PRKD1: variants seen among roughly 807,000 people sequenced by gnomAD.
The protein encoded by PRKD1 is serine/threonine-protein kinase D1.
In PRKD1, 63 loss-of-function variants were observed where a neutral mutation model predicts 95.9. That is an observed-to-expected ratio of 0.66 (90% confidence interval 0.54 to 0.81). PRKD1 has a LOEUF of 0.81. Among genes scored for constraint, PRKD1 ranks in the 30% least tolerant of loss-of-function variants. The probability of loss-of-function intolerance (pLI) is 0.00; values close to 1 mark genes in which losing one functional copy is unlikely to be tolerated. For synonymous variants in PRKD1, 425 were observed against 423.1 expected, an observed-to-expected ratio of 1.00 and a Z score of -0.05; for missense variants, 1,048 against 1,165.3, an observed-to-expected ratio of 0.90 and a Z score of 1.47.
At chr14:29,766,079 G>A (rs532484123) in intron 1 of PRKD1, among the ~76,000 whole-genome samples, 2 of 152,208 alleles carry the variant, frequency 1.3e-5, no homozygotes, top group South Asian at 4.1e-4. Flanking sequence ...CAGAAAGAGA[G>A]GAGAAGAGAA....
chr14:29,835,475 G>A (rs997916833), intron 1 of PRKD1, among the ~76,000 whole-genome samples: 9 of 152,268 alleles, frequency 5.9e-5, no homozygotes, highest in African/African-American at 1.4e-4. Context: ...CCTTCTCATC[G>A]AAAGATTCCT....
intron 1 of PRKD1, among the ~76,000 whole-genome samples, chr14:29,917,297 T>C (rs1894924943): frequency 6.6e-6 from 1 of 152,208 alleles, no homozygotes; most frequent in African/African-American, 2.4e-5. Flanking sequence ...GAAAAGGCTC[T>C]GTATTTTTGG....
intron 13 of PRKD1, among the ~76,000 whole-genome samples, chr14:29,615,186 T>G (rs1474269490): frequency 6.6e-6 from 1 of 152,150 alleles, no homozygotes; most frequent in East Asian, 1.9e-4. Context: ...ATTCATGTAT[T>G]TAAAAGAATA....
At chr14:29,755,782 A>G (rs1887669943) in intron 1 of PRKD1, among the ~76,000 whole-genome samples, 1 of 152,130 alleles carries the variant, frequency 6.6e-6, no homozygotes, top group African/African-American at 2.4e-5. Flanking sequence ...ACTTGCTCTC[A>G]TATGTGCTTA....
intron 2 of PRKD1, among the ~76,000 whole-genome samples, chr14:29,708,490 A>G (rs1885190014): frequency 6.6e-6 from 1 of 152,154 alleles, no homozygotes; most frequent in Non-Finnish European, 1.5e-5. Context: ...TTGTCTAGAT[A>G]TTTCGTTCTT....
At position 29,765,361 on chromosome 14, in the gene PRKD1, ATACTT is replaced by A. The variant is rs113323081; in HGVS notation, c.265-39692_265-39688del. ...ACAATTAATGAACACACCCACCTGA[ATACTT>A]TAGTATCGAGCCTGAGAACAAGACA... On this transcript the variant is annotated intron_variant, in intron 1 of 17. Transcript: ENST00000331968. Among the ~76,000 whole-genome samples the A allele has an allele frequency of 5.1e-3, 779 of 152,348 alleles. 7 individuals are homozygous for A. Among genetic ancestry groups the A allele is most frequent in the African/African-American group, 0.016 (669 of 41,586 alleles).
intron 1 of PRKD1, among the ~76,000 whole-genome samples, chr14:29,870,373 T>A (rs1893059853): frequency 6.6e-6 from 1 of 152,154 alleles, no homozygotes; most frequent in South Asian, 2.1e-4. Flanking sequence ...CCAAAAAATA[T>A]TCATAGCTGC....
chr14:29,897,611 C>T (rs541853719), intron 1 of PRKD1, among the ~76,000 whole-genome samples: 159 of 152,008 alleles, frequency 1.0e-3, no homozygotes, highest in Middle Eastern at 3.4e-3. Flanking sequence ...TCCAAACTCA[C>T]GGAATTTTTA....
Position 29,610,541 on chromosome 14 carries a change from G to A in PRKD1, c.1906-10724C>T, listed in dbSNP as rs188497300. Among the ~76,000 whole-genome samples, 410 of 152,322 alleles carry A rather than the reference G, an allele frequency of 2.7e-3. 1 individual carries two copies. Among genetic ancestry groups the A allele is most frequent in the Non-Finnish European group, 4.6e-3 (314 of 68,024 alleles). On this transcript the variant is annotated intron_variant, in intron 13 of 17. Transcript: ENST00000331968. ...GGCCAAATGCTGGCAAGGATGTGGA[G>A]TAACAAGAACTTTAATTCATTGCTG...
At chr14:29,871,713 G>A (rs1287801780) in intron 1 of PRKD1, among the ~76,000 whole-genome samples, 1 of 152,130 alleles carries the variant, frequency 6.6e-6, no homozygotes, top group Non-Finnish European at 1.5e-5. Flanking sequence ...GCAGTTGTAG[G>A]CCCATGGGTA....
At chr14:29,579,135 C>T (rs1030521542) in intron 16 of PRKD1, among the ~76,000 whole-genome samples, 2 of 151,760 alleles carry the variant, frequency 1.3e-5, no homozygotes, top group African/African-American at 2.4e-5. Context: ...TAATACTCAT[C>T]GTTATCTAGT....
chr14:29,726,460 G>C (rs1053826906), intron 1 of PRKD1, among the ~76,000 whole-genome samples: 2 of 152,086 alleles, frequency 1.3e-5, no homozygotes, highest in African/African-American at 4.8e-5. Context: ...GTAATGTAGT[G>C]GGAAAAGATG....
chr14:29,653,512 G>A (rs1180148504), intron 4 of PRKD1, among the ~76,000 whole-genome samples: 1 of 151,858 alleles, frequency 6.6e-6, no homozygotes, highest in African/African-American at 2.4e-5. Flanking sequence ...ATATCCTATG[G>A]TCACACAGGT....
chr14:29,830,079 A>C (rs1489726949), intron 1 of PRKD1, among the ~76,000 whole-genome samples: 1 of 152,216 alleles, frequency 6.6e-6, no homozygotes, highest in East Asian at 1.9e-4. Context: ...TTCTGAATTC[A>C]AAGATTAGAA....
chr14:29,908,357 C>G (rs1306312359), intron 1 of PRKD1, among the ~76,000 whole-genome samples: 1 of 152,132 alleles, frequency 6.6e-6, no homozygotes, highest in Non-Finnish European at 1.5e-5. Context: ...TGTGCAATGG[C>G]ATGATAGCTC....
At chr14:29,690,067 G>A (rs1008028256) in intron 2 of PRKD1, among the ~76,000 whole-genome samples, 5 of 152,102 alleles carry the variant, frequency 3.3e-5, no homozygotes, top group Non-Finnish European at 4.4e-5. Flanking sequence ...ACCATGGCAC[G>A]TGTTTACCTA....
At chr14:29,849,804 C>A (rs1566635477) in intron 1 of PRKD1, among the ~76,000 whole-genome samples, 1 of 151,910 alleles carries the variant, frequency 6.6e-6, no homozygotes, top group Non-Finnish European at 1.5e-5. Context: ...AAATCCTCAA[C>A]AATATACTAG....
chr14:29,881,490 G>A (rs1178466377), intron 1 of PRKD1, among the ~76,000 whole-genome samples: 2 of 152,006 alleles, frequency 1.3e-5, no homozygotes, highest in East Asian at 1.9e-4. Context: ...CATTTCCTTA[G>A]TTTCCTGAAA....
chr14:29,593,743 G>A (rs1893207815), intron 16 of PRKD1, among the ~76,000 whole-genome samples: 1 of 152,140 alleles, frequency 6.6e-6, no homozygotes, highest in Non-Finnish European at 1.5e-5. Context: ...TCCCAGTTGT[G>A]TGAGCCAATA....
Sources: allele counts gnomAD v4.1 joint callset (sites outside exome capture counted in the v4.1 genomes callset), GRCh38; gene constraint gnomAD v4.1.1; transcripts MANE v1.5; gene names NCBI Gene and HGNC (gene_info 2026-07-23, HGNC 2026-07-21).